Variants in SMYD3 observed in about 807,000 individuals in gnomAD.
The protein encoded by SMYD3 is histone-lysine N-methyltransferase SMYD3.
SMYD3 carries 36 observed loss-of-function variants against 57.7 expected under a neutral mutation model. The observed-to-expected ratio is 0.62, with a 90% CI of 0.48 to 0.82. SMYD3 has a LOEUF of 0.82. SMYD3 is among the 40% of genes least tolerant of loss of function. SMYD3 has a pLI of 0.00. For missense variants in SMYD3, 515 were observed against 538.8 expected (o/e 0.96, Z 0.44); for synonymous variants, 211 against 195.0 (o/e 1.08, Z -0.68).
At chr1:245,793,787 C>T (rs567791184) in intron 10 of SMYD3, among the ~76,000 whole-genome samples, 1 of 152,322 alleles carries the variant, frequency 6.6e-6, no homozygotes, top group South Asian at 2.1e-4. Context: ...CCCACAGCCC[C>T]ACATGACCTG....
intron 10 of SMYD3, among the ~76,000 whole-genome samples, chr1:245,849,766 C>A (rs948281578): frequency 6.6e-6 from 1 of 152,196 alleles, no homozygotes; most frequent in Non-Finnish European, 1.5e-5. Flanking sequence ...GATCCTCTCA[C>A]CTCATCCTCC....
At chr1:246,472,523 A>T (rs545161379) in intron 1 of SMYD3, among the ~76,000 whole-genome samples, 10 of 152,284 alleles carry the variant, frequency 6.6e-5, no homozygotes, top group African/African-American at 2.2e-4. Flanking sequence ...CGGGCAGATC[A>T]GTTGGGCACA....
chr1:246,452,904 A>C (rs2067651666), intron 1 of SMYD3, among the ~76,000 whole-genome samples: 2 of 152,212 alleles, frequency 1.3e-5, no homozygotes, highest in South Asian at 4.1e-4. Context: ...ATTTCTGTTG[A>C]AGTCTGGGAG....
chr1:246,397,760 G>C (rs910161217), intron 1 of SMYD3, among the ~76,000 whole-genome samples: 1 of 152,034 alleles, frequency 6.6e-6, no homozygotes, highest in African/African-American at 2.4e-5. Flanking sequence ...CCACAAGCTC[G>C]GGGACCAGGG....
chr1:246,505,394 G>C (rs560610578), intron 1 of SMYD3, among the ~76,000 whole-genome samples: 1 of 151,220 alleles, frequency 6.6e-6, no homozygotes, highest in Admixed American at 6.6e-5. Context: ...GAATGGTTGA[G>C]AGAATCACTC....
At chr1:246,231,733 AATG>A (rs1288362849) in intron 5 of SMYD3, among the ~76,000 whole-genome samples, 1 of 152,230 alleles carries the variant, frequency 6.6e-6, no homozygotes, top group Non-Finnish European at 1.5e-5. Context: ...GCATGGCATG[AATG>A]ATAATTACTG....
At chr1:246,183,469 C>A (rs532239374) in intron 5 of SMYD3, among the ~76,000 whole-genome samples, 1 of 150,554 alleles carries the variant, frequency 6.6e-6, no homozygotes, top group African/African-American at 2.4e-5. Context: ...ACTGTCAGAA[C>A]AAGGTTAAGA....
chr1:246,448,623 C>A (rs2067582315), intron 1 of SMYD3, among the ~76,000 whole-genome samples: 2 of 140,510 alleles, frequency 1.4e-5, no homozygotes, highest in South Asian at 4.5e-4. Flanking sequence ...GGAAGCCCAA[C>A]AATGCCCTTA....
Position 245,968,636 on chromosome 1 carries a change from G to T in SMYD3, c.532-38699C>A, listed in dbSNP as rs377404407. On this transcript the variant is annotated intron_variant, in intron 5 of 11. Transcript: ENST00000490107. Reference sequence around the variant, plus strand: ...ATTCATGGATTTAGCTCCCTGGTCTGGCATCTTTGAATCTTGTGACTCGGG... The same window carrying T: ...ATTCATGGATTTAGCTCCCTGGTCTTGCATCTTTGAATCTTGTGACTCGGG... Among the ~76,000 whole-genome samples the T allele has an allele frequency of 4.7e-4, 71 of 152,252 alleles. 1 individual carries two copies. The South Asian group carries it at 0.014, about 31-fold the overall frequency.
chr1:246,163,925 G>C (rs2062162499), intron 5 of SMYD3, among the ~76,000 whole-genome samples: 1 of 152,124 alleles, frequency 6.6e-6, no homozygotes, highest in Admixed American at 6.5e-5. Context: ...GAATCTCCAA[G>C]AATGGAAGAC....
rs935030879 is a variant in SMYD3 at position 246,435,522 on chromosome 1, T to C, written c.164+71532A>G. ...GACTCTGAAGCTTCTTTGGTAAGGG[T>C]AGTGTGTTACGCAAAGAGGTATTCT... is the stretch of plus-strand genomic sequence containing the variant. On this transcript the variant is annotated intron_variant, in intron 1 of 11. Coordinates refer to ENST00000490107, the MANE Select transcript of SMYD3 (RefSeq NM_001167740.2). 1.3e-5 allele frequency among the ~76,000 whole-genome samples: 2 copies of C among 151,542 alleles called. 1 individual carries two copies. The highest frequency in any genetic ancestry group is 6.3e-3 in the Middle Eastern group (2 of 316).
intron 1 of SMYD3, among the ~76,000 whole-genome samples, chr1:246,473,170 T>C (rs2067983111): frequency 6.6e-6 from 1 of 152,194 alleles, no homozygotes; most frequent in Non-Finnish European, 1.5e-5. Context: ...TGAATCTTTT[T>C]CATTCCCTCA....
chr1:246,200,455 T>C (rs921383614), intron 5 of SMYD3, among the ~76,000 whole-genome samples: 6 of 147,794 alleles, frequency 4.1e-5, no homozygotes, highest in Non-Finnish European at 9.0e-5. Flanking sequence ...ACAGCGTAGA[T>C]GCTGAGCAAG....
chr1:245,811,940 C>A (rs1430070817), intron 10 of SMYD3, among the ~76,000 whole-genome samples: 5 of 152,180 alleles, frequency 3.3e-5, no homozygotes, highest in Non-Finnish European at 7.3e-5. Context: ...TGTGTCCACT[C>A]CGAAGCCCGT....
intron 5 of SMYD3, among the ~76,000 whole-genome samples, chr1:246,041,426 T>C (rs2059869954): frequency 6.6e-6 from 1 of 152,224 alleles, no homozygotes; most frequent in African/African-American, 2.4e-5. Flanking sequence ...ATTCTGCATA[T>C]GCTGAAACCT....
chr1:246,097,010 A>G (rs1376480509), intron 5 of SMYD3, among the ~76,000 whole-genome samples: 1 of 152,232 alleles, frequency 6.6e-6, no homozygotes, highest in African/African-American at 2.4e-5. Context: ...AACTCACAAC[A>G]TAGACATGCA....
At chr1:245,897,924 G>C (rs1284969634) in intron 8 of SMYD3, among the ~76,000 whole-genome samples, 2 of 151,912 alleles carry the variant, frequency 1.3e-5, no homozygotes, top group Admixed American at 1.3e-4. Context: ...TTGTCAATCA[G>C]CTATGATGAA....
At chr1:245,774,699 CTCTCCACGG>C (rs2046478781) in intron 10 of SMYD3, among the ~76,000 whole-genome samples, 1 of 117,314 alleles carries the variant, frequency 8.5e-6, no homozygotes, top group Non-Finnish European at 1.8e-5. Context: ...CTCCCTCTCC[CTCTCCACGG>C]TCTCCCTCTC....
At chr1:246,336,053 G>A (rs984245803) in intron 2 of SMYD3, among the ~76,000 whole-genome samples, 2 of 152,158 alleles carry the variant, frequency 1.3e-5, no homozygotes, top group Admixed American at 6.5e-5. Context: ...TTGTATCTAT[G>A]TCCTGGCTTA....
Sources: allele counts gnomAD v4.1 joint callset (sites outside exome capture counted in the v4.1 genomes callset), GRCh38; gene constraint gnomAD v4.1.1; transcripts MANE v1.5; gene names NCBI Gene and HGNC (gene_info 2026-07-23, HGNC 2026-07-21).